Variants in NEDD1 observed in about 807,000 individuals in gnomAD.
NEDD1 encodes the protein protein NEDD1.
Under a neutral mutation model 74.0 loss-of-function variants are expected in NEDD1, and 33 were observed. The ratio of observed to expected loss-of-function variants is 0.45; its 90% CI spans 0.34 to 0.60. NEDD1 has a LOEUF of 0.60. NEDD1 is among the 20% of genes least tolerant of loss of function. The pLI is 0.01. For synonymous variants in NEDD1, 250 were observed against 264.4 expected (o/e 0.95, Z 0.53); for missense variants, 746 against 776.5 (o/e 0.96, Z 0.47).
At chr12:96,908,270 C>T (rs1873535169) in intron 2 of NEDD1, among the ~76,000 whole-genome samples, 1 of 152,112 alleles carries the variant, frequency 6.6e-6, no homozygotes, top group Non-Finnish European at 1.5e-5. Context: ...CTTTTTGTCT[C>T]GAGAATGAAA....
chr12:96,907,379 C>G, intron 1 of NEDD1, 79 bp downstream of exon 1: 3 of 459,590 alleles, frequency 6.5e-6, no homozygotes, highest in South Asian at 3.8e-5. Flanking sequence ...AGACCCGCTC[C>G]GTCCCCCTCA....
intron 6 of NEDD1, among the ~76,000 whole-genome samples, chr12:96,921,653 A>T (rs1875105257): frequency 7.3e-6 from 1 of 136,656 alleles, no homozygotes. Flanking sequence ...ATAAAGCTTT[A>T]GAAGAGGGAT....
intron 4 of NEDD1, among the ~76,000 whole-genome samples, chr12:96,915,205 A>G (rs1874312327): frequency 6.6e-6 from 1 of 152,232 alleles, no homozygotes; most frequent in Non-Finnish European, 1.5e-5. Flanking sequence ...TTTTAGAGCT[A>G]GAAGGAACCC....
chr12:96,915,555 TTTTAAC>T (rs1487607305), intron 4 of NEDD1, among the ~76,000 whole-genome samples: 1 of 152,192 alleles, frequency 6.6e-6, no homozygotes, highest in Non-Finnish European at 1.5e-5. Flanking sequence ...ATAGCTTGCC[TTTTAAC>T]TTTTCTTGAA....
intron 6 of NEDD1, among the ~76,000 whole-genome samples, chr12:96,930,548 T>C (rs1876343031): frequency 6.6e-6 from 1 of 152,158 alleles, no homozygotes; most frequent in South Asian, 2.1e-4. Context: ...CCAGGGTTTT[T>C]ATTGGGGGGG....
Position 96,937,201 on chromosome 12 carries a change from A to G in NEDD1, c.925A>G (p.Ser309Gly), listed in dbSNP as rs1422141913. 2 of 1,579,146 alleles carry G rather than the reference A, an allele frequency of 1.3e-6. No homozygotes were observed. Among genetic ancestry groups the G allele is most frequent in the South Asian group, 1.1e-5 (1 of 87,142 alleles). Residue 309 changes from serine (S) to glycine (G), a missense_variant, in exon 9 of 16, where the codon AGT becomes GGT. Transcript: ENST00000266742. Reference protein sequence around the residue: ...FQYSTVLTKSSLNKGCSNKPT... With the variant: ...FQYSTVLTKSGLNKGCSNKPT... ...TAAATATTCCATTACATTTCAGTCA[A>G]GTTTAAATAAAGGCTGTTCAAATAA...
At chr12:96,911,845 A>G (rs2076681861) in intron 3 of NEDD1, among the ~76,000 whole-genome samples, 3 of 152,190 alleles carry the variant, frequency 2.0e-5, no homozygotes, top group African/African-American at 7.2e-5. Flanking sequence ...AATACCTGAA[A>G]GTTATACAGA....
In NEDD1 at chr12:96,943,207, A is replaced by AC. The variant is rs574176350; in HGVS notation, c.1295-351dup. The stretch of plus-strand genomic sequence containing the variant: ...TCAGAAATTGCCTTCCAAGATACAT[A>AC]CCACAGATATATACCAAATTAACAA... On this transcript the variant is annotated intron_variant, in intron 11 of 15. Transcript: ENST00000266742. Among the ~76,000 whole-genome samples, 340 of 152,208 alleles carry AC rather than the reference A, an allele frequency of 2.2e-3. 2 individuals are homozygous for AC. Among genetic ancestry groups the AC allele is most frequent in the African/African-American group, 7.9e-3 (328 of 41,536 alleles).
At chr12:96,943,479 C>A in intron 11 of NEDD1, 81 bp from the exon 12 acceptor site, 1 of 869,148 alleles carries the variant, frequency 1.2e-6, no homozygotes, top group Non-Finnish European at 1.9e-6. Context: ...CCATGTTAAT[C>A]TGCCTATCAT....
intron 3 of NEDD1, 40 bp from the exon 4 acceptor site, chr12:96,912,683 T>C: frequency 1.1e-6 from 1 of 903,796 alleles, no homozygotes; most frequent in Non-Finnish European, 1.9e-6. Flanking sequence ...GTGCTATAGA[T>C]GTTCATGGAT....
intron 3 of NEDD1, among the ~76,000 whole-genome samples, chr12:96,912,149 A>G (rs911650524): frequency 3.3e-5 from 5 of 152,264 alleles, no homozygotes; most frequent in African/African-American, 1.2e-4. Context: ...CACAATTCCT[A>G]TTTAACCATA....
chr12:96,918,168 GT>G (rs935048588), intron 5 of NEDD1, among the ~76,000 whole-genome samples: 10 of 145,308 alleles, frequency 6.9e-5, no homozygotes, highest in Non-Finnish European at 7.6e-5. Context: ...TCTTGTTTGT[GT>G]TTTTTTTTTG....
rs17747759 is a variant in NEDD1 at position 96,948,811 on chromosome 12, G to A, written c.1812-2621G>A. Among the ~76,000 whole-genome samples, 978 of 152,288 alleles carry A rather than the reference G, an allele frequency of 6.4e-3. 3 individuals carry two copies. The highest frequency in any genetic ancestry group is 9.9e-3 in the Non-Finnish European group (676 of 68,028). Reference sequence around the variant, plus strand: ...CAGCTGAATGTCTGGAGTATTCACTGTCTTTTTTACCTTGGTGGGTCCCAA... The same window carrying A: ...CAGCTGAATGTCTGGAGTATTCACTATCTTTTTTACCTTGGTGGGTCCCAA... On this transcript the variant is annotated intron_variant, in intron 14 of 15. Transcript: ENST00000266742.
At position 96,953,458 on chromosome 12, in the gene NEDD1, G is replaced by T. The variant is rs1294455350; in HGVS notation, c.*1405G>T. The T allele has an allele frequency of 6.6e-6, 1 of 151,572 alleles. No individual in the cohort carries two copies. Among genetic ancestry groups the T allele is most frequent in the Non-Finnish European group, 1.5e-5 (1 of 67,758 alleles). 9.4% of individuals were successfully genotyped at this position (151,572 alleles called of 1,614,324 possible). ...ATTATGACTTGTAACAAGTTTCCTTGTATATCACTAACAGGTTTAGAAGAC... is the reference window on the plus strand; with the variant it reads ...ATTATGACTTGTAACAAGTTTCCTTTTATATCACTAACAGGTTTAGAAGAC... On this transcript the variant is annotated 3_prime_UTR_variant, in exon 16 of 16. Coordinates refer to ENST00000266742, the MANE Select transcript of NEDD1 (RefSeq NM_152905.4).
intron 6 of NEDD1, among the ~76,000 whole-genome samples, chr12:96,930,653 A>T (rs1383198738): frequency 6.6e-6 from 1 of 152,272 alleles, no homozygotes; most frequent in Middle Eastern, 3.4e-3. Context: ...GCCTTAAACC[A>T]TATCTATCAC....
At chr12:96,925,323 C>A (rs1050140944) in intron 6 of NEDD1, among the ~76,000 whole-genome samples, 3 of 152,168 alleles carry the variant, frequency 2.0e-5, no homozygotes, top group Admixed American at 6.6e-5. Context: ...GAGGTTATCA[C>A]AGCATAGAAT....
rs973412629 is a variant in NEDD1 at position 96,952,814 on chromosome 12, A to G, written c.*761A>G. 6.6e-6 allele frequency: 1 copy of G among 151,740 alleles called. No individual in the cohort carries two copies. Among genetic ancestry groups the G allele is most frequent in the Non-Finnish European group, 1.5e-5 (1 of 67,706 alleles). 9.4% of individuals were successfully genotyped at this position (151,740 alleles called of 1,614,324 possible). On this transcript the variant is annotated 3_prime_UTR_variant, in exon 16 of 16. Coordinates refer to ENST00000266742, the MANE Select transcript of NEDD1 (RefSeq NM_152905.4). ...ACGTTGTACTGCAAAATTTCAATCA[A>G]CATGACAACTTATAATGAGTGGAGA...
chr12:96,940,604 TGAATAA>T, intron 10 of NEDD1, 67 bp downstream of exon 10: 2 of 1,138,782 alleles, frequency 1.8e-6, no homozygotes, highest in Non-Finnish European at 2.5e-6. Flanking sequence ...CTAAAAGATG[TGAATAA>T]TAGCTTCAGT....
At chr12:96,913,487 C>T (rs1874135060) in intron 4 of NEDD1, among the ~76,000 whole-genome samples, 1 of 152,130 alleles carries the variant, frequency 6.6e-6, no homozygotes, top group Admixed American at 6.5e-5. Flanking sequence ...GATTCTCCTG[C>T]CTCAGCCTCT....
Sources: allele counts gnomAD v4.1 joint callset (sites outside exome capture counted in the v4.1 genomes callset), GRCh38; gene constraint gnomAD v4.1.1; transcripts MANE v1.5; gene names NCBI Gene and HGNC (gene_info 2026-07-23, HGNC 2026-07-21).